STRADB: variants seen among roughly 807,000 people sequenced by gnomAD.
STRADB encodes STE20 related adaptor beta, also known as STE20-related kinase adapter protein beta.
In STRADB, 34 loss-of-function variants were observed where a neutral mutation model predicts 52.1. That is an observed-to-expected ratio of 0.65 (90% CI 0.50 to 0.87). The LOEUF is 0.87. Ranked by LOEUF, STRADB falls within the 40% of genes least tolerant of loss-of-function variation. The probability of loss-of-function intolerance (pLI) is 0.00; values close to 1 mark genes in which losing one functional copy is unlikely to be tolerated. For synonymous variants in STRADB, 133 were observed against 174.5 expected (o/e 0.76, Z 1.87); for missense variants, 340 against 483.9 (o/e 0.70, Z 2.79).
chr2:201,478,889 C>T lies in STRADB; in HGVS notation c.1070+288C>T, dbSNP rs1389482188. Among the ~76,000 whole-genome samples the T allele has an allele frequency of 5.9e-5, 9 of 151,960 alleles. No individual in the cohort carries two copies. In the East Asian group the frequency reaches 7.7e-4, roughly 13 times the overall value. On this transcript the variant is annotated intron_variant, in intron 10 of 11. Coordinates refer to ENST00000194530, the MANE Select transcript of STRADB (RefSeq NM_018571.6). ...AGGAGTTCAAGACCAGCCTGGCCAA[C>T]ATGGTGAAACCCCGTCTCTACTAAA...
chr2:201,460,697 A>T (rs1952200063), intron 3 of STRADB: 1 of 205,558 alleles, frequency 4.9e-6, no homozygotes, highest in Non-Finnish European at 1.1e-5. Flanking sequence ...GTAGTATCTC[A>T]TTCTTTTTTG....
intron 4 of STRADB, among the ~76,000 whole-genome samples, chr2:201,471,454 T>C (rs1315671084): frequency 6.6e-6 from 1 of 152,188 alleles, no homozygotes; most frequent in Non-Finnish European, 1.5e-5. Context: ...TAGAGAGACA[T>C]TGTGGAATCA....
chr2:201,475,484 G>A (rs1006192391), intron 6 of STRADB, 135 bp from the exon 7 acceptor site: 1 of 942,610 alleles, frequency 1.1e-6, no homozygotes, highest in East Asian at 2.5e-5. Flanking sequence ...ATGTTTGTGT[G>A]GGAAAGTGTT....
intron 3 of STRADB, among the ~76,000 whole-genome samples, chr2:201,461,752 T>C (rs1952219998): frequency 6.6e-6 from 1 of 152,220 alleles, no homozygotes; most frequent in Admixed American, 6.5e-5. Context: ...AATTAATCTT[T>C]GCCCAGACCA....
chr2:201,464,066 T>TC (rs1412831217), intron 3 of STRADB, among the ~76,000 whole-genome samples: 1 of 152,132 alleles, frequency 6.6e-6, no homozygotes, highest in African/African-American at 2.4e-5. Context: ...CTCTGTCACT[T>TC]CGGGATTGGT....
chr2:201,455,000 G>T, intron 2 of STRADB, 148 bp downstream of exon 2: 2 of 618,244 alleles, frequency 3.2e-6, no homozygotes, highest in South Asian at 6.9e-5. Flanking sequence ...CTTGAGAAAT[G>T]AATTACATTC....
At chr2:201,473,190 T>G in intron 5 of STRADB, 114 bp downstream of exon 5, 1 of 913,064 alleles carries the variant, frequency 1.1e-6, no homozygotes, top group African/African-American at 1.8e-5. Flanking sequence ...AATAATACAA[T>G]AAAAAATAGT....
chr2:201,466,294 A>C (rs1952304031), intron 3 of STRADB, among the ~76,000 whole-genome samples: 1 of 152,252 alleles, frequency 6.6e-6, no homozygotes, highest in Non-Finnish European at 1.5e-5. Flanking sequence ...TGAATCCTTC[A>C]AACCTTCAGG....
chr2:201,452,026 G>A (rs1174038927), intron 1 of STRADB, 88 bp downstream of exon 1: 2 of 152,410 alleles, frequency 1.3e-5, no homozygotes, highest in Non-Finnish European at 2.9e-5. Context: ...GCGCACGCCC[G>A]GGAAGCCAGA....
intron 9 of STRADB, 72 bp from the exon 10 acceptor site, chr2:201,478,285 A>G: frequency 1.3e-6 from 2 of 1,597,844 alleles, no homozygotes; most frequent in Non-Finnish European, 8.5e-7. Context: ...ATAGACTCTT[A>G]GGAGCTTTAT....
intron 4 of STRADB, among the ~76,000 whole-genome samples, chr2:201,471,483 C>T (rs1952387475): frequency 6.6e-6 from 1 of 152,208 alleles, no homozygotes; most frequent in Non-Finnish European, 1.5e-5. Flanking sequence ...ATAATAGCAT[C>T]TAACAGGCAT....
intron 7 of STRADB, among the ~76,000 whole-genome samples, chr2:201,476,358 C>CTT (rs199596100): frequency 0.015 from 1,948 of 131,598 alleles, 51 homozygotes; most frequent in African/African-American, 0.051. Flanking sequence ...TTTTGTCTTA[C>CTT]TTTTTTTTTT....
At chr2:201,459,167 C>T (rs1174427874) in intron 3 of STRADB, among the ~76,000 whole-genome samples, 2 of 152,082 alleles carry the variant, frequency 1.3e-5, no homozygotes, top group African/African-American at 4.8e-5. Context: ...AGTGGCTCTT[C>T]CTAAAGTGGC....
chr2:201,473,051 A>G lies in STRADB; in HGVS notation c.290A>G (p.Asn97Ser), dbSNP rs752940296. ...TIKITNLENCNEERLKALQKA... is the reference protein window; with the variant it reads ...TIKITNLENCSEERLKALQKA... ...AAAATTACAAATCTGGAAAACTGCA[A>G]TGAAGAACGCCTGAAAGCTTTACAG... The change falls in exon 5 of 12, where the codon AAT (asparagine) becomes AGT (serine). Residue 97 changes from asparagine to serine, a missense_variant. Physicochemically the swap from Asn to Ser is conservative, Grantham distance 46. Coordinates refer to ENST00000194530, the MANE Select transcript of STRADB (RefSeq NM_018571.6). 2.5e-6 allele frequency: 4 copies of G among 1,613,110 alleles called. No individual in the cohort carries two copies. The highest frequency in any genetic ancestry group is 2.2e-5 in the East Asian group (1 of 44,848).
chr2:201,474,383 C>A (rs1286878560), intron 5 of STRADB, among the ~76,000 whole-genome samples: 1 of 152,098 alleles, frequency 6.6e-6, no homozygotes, highest in Non-Finnish European at 1.5e-5. Flanking sequence ...AAACTAAGTT[C>A]ACATTCTACT....
chr2:201,457,429 T>G (rs1952144416), intron 2 of STRADB: 1 of 152,188 alleles, frequency 6.6e-6, no homozygotes, highest in South Asian at 2.1e-4. Context: ...TATCTTGACA[T>G]TGTTAGCGTC....
At chr2:201,476,807 T>C (rs1952479580) in intron 7 of STRADB, among the ~76,000 whole-genome samples, 2 of 149,190 alleles carry the variant, frequency 1.3e-5, no homozygotes, top group African/African-American at 4.9e-5. Flanking sequence ...AAACCCTGTC[T>C]CTACTAAAAA....
At chr2:201,467,365 C>T (rs915612339) in intron 3 of STRADB, among the ~76,000 whole-genome samples, 1 of 152,176 alleles carries the variant, frequency 6.6e-6, no homozygotes, top group African/African-American at 2.4e-5. Context: ...TCCCTCTTCA[C>T]TTCCAGTTCT....
At chr2:201,473,581 G>T (rs1300982253) in intron 5 of STRADB, among the ~76,000 whole-genome samples, 1 of 152,132 alleles carries the variant, frequency 6.6e-6, no homozygotes, top group Non-Finnish European at 1.5e-5. Context: ...TTGGAAGCCA[G>T]GTTCATTATA....
Sources: allele counts gnomAD v4.1 joint callset (sites outside exome capture counted in the v4.1 genomes callset), GRCh38; gene constraint gnomAD v4.1.1; transcripts MANE v1.5; gene names NCBI Gene and HGNC (gene_info 2026-07-23, HGNC 2026-07-21).